The following DOCK1 variants were observed in gnomAD, a reference collection of about 807,000 sequenced individuals.
The protein encoded by DOCK1 is dedicator of cytokinesis 1.
Under a neutral mutation model 262.7 loss-of-function variants are expected in DOCK1, and 138 were observed. The ratio of observed to expected loss-of-function variants is 0.53; its 90% CI spans 0.46 to 0.61. The LOEUF (loss-of-function observed/expected upper bound fraction) is 0.61, where lower values mean the gene tolerates loss of function less well. DOCK1 is among the 20% of genes least tolerant of loss of function. The pLI is 0.00. For synonymous variants in DOCK1, 866 were observed against 867.4 expected, an observed-to-expected ratio of 1.00 and a Z score of 0.03; for missense variants, 1,908 against 2,370.7, an observed-to-expected ratio of 0.80 and a Z score of 4.05.
At chr10:127,239,349 C>T (rs951762248) in intron 27 of DOCK1, among the ~76,000 whole-genome samples, 7 of 152,182 alleles carry the variant, frequency 4.6e-5, no homozygotes, top group African/African-American at 1.7e-4. Context: ...TCTCATATTT[C>T]AAAGTATCTT....
intron 29 of DOCK1, among the ~76,000 whole-genome samples, chr10:127,268,260 G>A (rs574339147): frequency 3.9e-5 from 6 of 152,158 alleles, no homozygotes; most frequent in African/African-American, 1.4e-4. Flanking sequence ...GCTCATGCCT[G>A]TAATCCCAGC....
chr10:127,316,611 A>T (rs552312912), intron 29 of DOCK1, among the ~76,000 whole-genome samples: 2 of 152,116 alleles, frequency 1.3e-5, no homozygotes, highest in African/African-American at 4.8e-5. Context: ...TGATGCCTTT[A>T]TTTTATTTTC....
rs1396766994 is a variant in DOCK1 at position 127,012,457 on chromosome 10, G to GT, written c.1201+85dup. On this transcript the variant is annotated intron_variant, in intron 12 of 51. Transcript: ENST00000623213. The surrounding 1 kb of genome is among the most constrained non-coding windows in gnomAD (Gnocchi z 4.0). The stretch of plus-strand genomic sequence containing the variant: ...CTGTCTGGGTTGGTTTTAGTTTGAT[G>GT]TTGATCATGATGGTGGTGATAATGA... 6 of 1,218,018 alleles carry GT rather than the reference G, an allele frequency of 4.9e-6. No homozygotes were observed. Among genetic ancestry groups the GT allele is most frequent in the Non-Finnish European group, 7.2e-6 (6 of 835,710 alleles). 75.5% of individuals were successfully genotyped at this position (1,218,018 alleles called of 1,614,324 possible).
chr10:126,938,993 G>T (rs997967289), intron 1 of DOCK1, among the ~76,000 whole-genome samples: 2 of 120,386 alleles, frequency 1.7e-5, no homozygotes, highest in Admixed American at 1.9e-4. Context: ...GATGAGCACC[G>T]GAGGGGACGA....
intron 35 of DOCK1, among the ~76,000 whole-genome samples, chr10:127,376,774 T>C (rs2148380): frequency 0.019 from 2,826 of 152,298 alleles, 49 homozygotes; most frequent in Middle Eastern, 0.044. Context: ...TCTTCCAACT[T>C]TGATGATTGA....
At chr10:127,118,890 T>C (rs545503287) in intron 25 of DOCK1, among the ~76,000 whole-genome samples, 45 of 152,364 alleles carry the variant, frequency 3.0e-4, no homozygotes, top group Non-Finnish European at 5.9e-4. Context: ...TGTTGATTTA[T>C]TCTCTGGTAC....
In DOCK1 at chr10:127,377,680, T is replaced by C. The variant is rs193032714; in HGVS notation, c.3676-2402T>C. Among the ~76,000 whole-genome samples, 994 of 151,992 alleles carry C rather than the reference T, an allele frequency of 6.5e-3. 5 individuals carry two copies. Among genetic ancestry groups the C allele is most frequent in the Middle Eastern group, 0.021 (6 of 292 alleles). On this transcript the variant is annotated intron_variant, in intron 35 of 51. Coordinates refer to ENST00000623213, the MANE Select transcript of DOCK1 (RefSeq NM_001290223.2). ...GCCAAGGAGGGAGGATCACTTGAGG[T>C]CAGGAGTTTGATACCAGCCTGGCCA...
At position 127,295,367 on chromosome 10, in the gene DOCK1, T is replaced by C. The variant is rs905826846; in HGVS notation, c.3044+37938T>C. On this transcript the variant is annotated intron_variant, in intron 29 of 51. Coordinates refer to ENST00000623213, the MANE Select transcript of DOCK1 (RefSeq NM_001290223.2). ...TGTGAACTATCAAACCAGACCTCAC[T>C]CATTGCCACAGGGAAGGCACCAAGT... Among the ~76,000 whole-genome samples the C allele has an allele frequency of 4.6e-5, 7 of 152,066 alleles. No homozygotes were observed. In the East Asian group the frequency reaches 1.2e-3, roughly 25 times the overall value.
At chr10:127,219,957 C>A (rs976414724) in intron 27 of DOCK1, among the ~76,000 whole-genome samples, 1 of 152,132 alleles carries the variant, frequency 6.6e-6, no homozygotes, top group African/African-American at 2.4e-5. Flanking sequence ...GTCTTACTTA[C>A]AGATTGAGAA....
At chr10:127,428,826 T>C (rs1195979722) in intron 47 of DOCK1, among the ~76,000 whole-genome samples, 2 of 139,048 alleles carry the variant, frequency 1.4e-5, no homozygotes, top group Non-Finnish European at 3.1e-5. Flanking sequence ...TGGATTGGGG[T>C]ACCGTGTGGA....
intron 2 of DOCK1, among the ~76,000 whole-genome samples, chr10:126,976,240 A>G (rs1448175773): frequency 6.6e-6 from 1 of 152,218 alleles, no homozygotes; most frequent in African/African-American, 2.4e-5. Context: ...CAATATGGCT[A>G]TCAGGAGATA....
chr10:127,342,521 C>T lies in DOCK1; in HGVS notation c.3124-1125C>T, dbSNP rs1247487222. 2.0e-5 allele frequency among the ~76,000 whole-genome samples: 3 copies of T among 152,172 alleles called. 1 individual carries two copies. Among genetic ancestry groups the T allele is most frequent in the African/African-American group, 4.8e-5 (2 of 41,446 alleles). ...GGTGATCAAATGAGCTGGTGTATTACTATAGAAAGTGTGCTGTTCATGGGA... is the reference window on the plus strand; with the variant it reads ...GGTGATCAAATGAGCTGGTGTATTATTATAGAAAGTGTGCTGTTCATGGGA... On this transcript the variant is annotated intron_variant, in intron 30 of 51. Transcript: ENST00000623213.
chr10:127,185,864 G>A (rs1047527161), intron 27 of DOCK1, among the ~76,000 whole-genome samples: 4 of 152,146 alleles, frequency 2.6e-5, no homozygotes, highest in Non-Finnish European at 5.9e-5. Context: ...AATGGTACAG[G>A]TTCTATATTT....
At chr10:126,933,515 T>C (rs2034335933) in intron 1 of DOCK1, among the ~76,000 whole-genome samples, 1 of 152,182 alleles carries the variant, frequency 6.6e-6, no homozygotes, top group East Asian at 1.9e-4. Flanking sequence ...TCCTGGGTTT[T>C]GCATGTGGCA....
intron 48 of DOCK1, among the ~76,000 whole-genome samples, chr10:127,434,869 G>A (rs1034385343): frequency 6.6e-6 from 1 of 152,054 alleles, no homozygotes; most frequent in African/African-American, 2.4e-5. Context: ...AGCCAGGATG[G>A]TCTCGATCTC....
chr10:127,428,271 GCTGT>G (rs772657740), intron 47 of DOCK1, among the ~76,000 whole-genome samples: 13 of 152,214 alleles, frequency 8.5e-5, no homozygotes, highest in Non-Finnish European at 2.9e-5. Context: ...ATCACAGAAA[GCTGT>G]CTGGCTCACC....
intron 33 of DOCK1, among the ~76,000 whole-genome samples, chr10:127,364,861 G>C (rs370309507): frequency 2.0e-5 from 3 of 148,182 alleles, no homozygotes; most frequent in Non-Finnish European, 4.5e-5. Context: ...CTTTCCTCCC[G>C]TTCTCTCTCT....
rs576036891 is a variant in DOCK1 at position 127,036,542 on chromosome 10, A to G, written c.1913-1177A>G. 5.3e-5 allele frequency among the ~76,000 whole-genome samples: 8 copies of G among 152,104 alleles called. No individual in the cohort carries two copies. The South Asian group carries it at 6.2e-4, about 12-fold the overall frequency. On this transcript the variant is annotated intron_variant, in intron 18 of 51. Coordinates refer to ENST00000623213, the MANE Select transcript of DOCK1 (RefSeq NM_001290223.2). ...CAGTTTCTGTAGCTGAAGTTGGTTC[A>G]TGAGCATAACGGTAAATTAGATGTA...
chr10:127,299,729 G>A (rs531571485), intron 29 of DOCK1, among the ~76,000 whole-genome samples: 15 of 152,180 alleles, frequency 9.9e-5, no homozygotes, highest in Admixed American at 2.0e-4. Context: ...TCATCTCTCC[G>A]TGTGACTGGT....
Sources: allele counts gnomAD v4.1 joint callset (sites outside exome capture counted in the v4.1 genomes callset), GRCh38; gene constraint gnomAD v4.1.1; non-coding constraint Gnocchi (gnomAD v3.1); transcripts MANE v1.5; gene names NCBI Gene and HGNC (gene_info 2026-07-23, HGNC 2026-07-21).